Variants in CYRIB observed in about 807,000 individuals in gnomAD.
CYRIB encodes the protein CYFIP-related Rac1 interactor B.
CYRIB carries 8 observed loss-of-function variants against 44.2 expected under a neutral mutation model. The ratio of observed to expected loss-of-function variants is 0.18; its 90% CI spans 0.11 to 0.33. The LOEUF is 0.33. Among genes scored for constraint, CYRIB ranks in the 10% least tolerant of loss-of-function variants. CYRIB has a pLI of 1.00. For synonymous variants in CYRIB, 131 were observed against 127.2 expected, an observed-to-expected ratio of 1.03 and a Z score of -0.20; for missense variants, 185 against 382.8, an observed-to-expected ratio of 0.48 and a Z score of 4.31.
chr8:129,846,737 TTACA>T, intron 11 of CYRIB, 63 bp downstream of exon 13: 1 of 1,051,412 alleles, frequency 9.5e-7, no homozygotes, highest in Non-Finnish European at 1.4e-6. Flanking sequence ...TGCATTTTCT[TTACA>T]TAAACATCGA....
At chr8:130,016,441 C>T in exon 1 of CYRIB, 1 of 150,594 alleles carries the variant, frequency 6.6e-6, no homozygotes, top group Non-Finnish European at 1.5e-5. Context: ...GTGCCGCCGC[C>T]GCCGCCGTTT....
intron 2 of CYRIB, among the ~76,000 whole-genome samples, chr8:129,962,390 C>T (rs1374664596): frequency 6.6e-6 from 1 of 152,088 alleles, no homozygotes; most frequent in Non-Finnish European, 1.5e-5. Context: ...CTGCAGTAAG[C>T]TAGAATCATA....
At chr8:129,906,628 T>G (rs2075535616) in intron 1 of CYRIB, among the ~76,000 whole-genome samples, 2 of 152,180 alleles carry the variant, frequency 1.3e-5, no homozygotes, top group Non-Finnish European at 2.9e-5. Flanking sequence ...AAAGAGCTTC[T>G]GCACAGCAAA....
intron 4 of CYRIB, among the ~76,000 whole-genome samples, chr8:129,869,314 TG>T (rs1485794973): frequency 7.5e-6 from 1 of 132,676 alleles, no homozygotes; most frequent in African/African-American, 2.9e-5. Context: ...ACCTGGGAGG[TG>T]GAGGTTGCTG....
At chr8:129,993,685 A>C (rs1321983440) in intron 1 of CYRIB, among the ~76,000 whole-genome samples, 1 of 151,492 alleles carries the variant, frequency 6.6e-6, no homozygotes, top group Non-Finnish European at 1.5e-5. Flanking sequence ...CGACAGAGTG[A>C]AACTCTCTCT....
chr8:129,918,439 G>A (rs972925116), intron 1 of CYRIB, among the ~76,000 whole-genome samples: 1 of 152,176 alleles, frequency 6.6e-6, no homozygotes, highest in Non-Finnish European at 1.5e-5. Flanking sequence ...CCTGAAAGTA[G>A]TTAATGACTT....
chr8:129,943,991 AG>A (rs1160784365), upstream of CYRIB, among the ~76,000 whole-genome samples: 1 of 150,476 alleles, frequency 6.6e-6, no homozygotes, highest in Non-Finnish European at 1.5e-5. Context: ...GAGAAAACGC[AG>A]GGGGCCAAGG....
intron 1 of CYRIB, among the ~76,000 whole-genome samples, chr8:129,982,832 G>C (rs1370197837): frequency 4.6e-5 from 7 of 152,104 alleles, no homozygotes; most frequent in African/African-American, 1.7e-4. Context: ...TGGCTGCCCA[G>C]CTGGGCTCAC....
chr8:129,920,608 G>C (rs1163845944), intron 1 of CYRIB, among the ~76,000 whole-genome samples: 1 of 152,052 alleles, frequency 6.6e-6, no homozygotes, highest in African/African-American at 2.4e-5. Flanking sequence ...CATATCATCA[G>C]TAATTTTTAA....
intron 1 of CYRIB, among the ~76,000 whole-genome samples, chr8:129,973,870 C>T (rs904537688): frequency 6.6e-6 from 1 of 152,150 alleles, no homozygotes; most frequent in Non-Finnish European, 1.5e-5. Context: ...TCCTTTCTCC[C>T]ACCCAGTCCC....
chr8:130,004,841 A>C (rs898892124), intron 1 of CYRIB, among the ~76,000 whole-genome samples: 1 of 142,202 alleles, frequency 7.0e-6, no homozygotes, highest in Non-Finnish European at 1.5e-5. Context: ...ATCTCGGCTC[A>C]CTGCAAGCTC....
At chr8:129,846,957 A>G (rs569072559) in intron 10 of CYRIB, 83 bp from the exon 13 acceptor site, 18 of 762,160 alleles carry the variant, frequency 2.4e-5, no homozygotes, top group Non-Finnish European at 3.7e-5. Flanking sequence ...ATAAATCAAG[A>G]CCATAACTAT....
At chr8:129,849,422 A>G in intron 9 of CYRIB, 53 bp from the exon 12 acceptor site, 3 of 1,535,768 alleles carry the variant, frequency 2.0e-6, no homozygotes, top group Non-Finnish European at 2.6e-6. Context: ...AATTCTTTTT[A>G]AAAACACACA....
chr8:129,921,553 T>A (rs1266132409), intron 1 of CYRIB, among the ~76,000 whole-genome samples: 1 of 152,150 alleles, frequency 6.6e-6, no homozygotes, highest in Non-Finnish European at 1.5e-5. Flanking sequence ...TCTCCCAGGA[T>A]CACACCACCA....
intron 1 of CYRIB, among the ~76,000 whole-genome samples, chr8:130,005,532 A>G (rs185430670): frequency 2.4e-4 from 37 of 152,280 alleles, no homozygotes; most frequent in African/African-American, 8.9e-4. Flanking sequence ...TTGCCTCTGA[A>G]CAGTCTTCCA....
chr8:129,982,290 G>A (rs1222879288), intron 1 of CYRIB, among the ~76,000 whole-genome samples: 1 of 152,220 alleles, frequency 6.6e-6, no homozygotes, highest in Non-Finnish European at 1.5e-5. Flanking sequence ...CTGCCTCGAT[G>A]AAGATGATCT....
chr8:129,924,284 A>AC (rs1384560416), intron 1 of CYRIB, among the ~76,000 whole-genome samples: 4 of 33,392 alleles, frequency 1.2e-4, no homozygotes, highest in Admixed American at 4.0e-4. Context: ...AAAAAAAAAA[A>AC]AAAAACCGGG....
intron 3 of CYRIB, among the ~76,000 whole-genome samples, chr8:129,877,899 G>A (rs987719338): frequency 2.0e-5 from 3 of 152,032 alleles, no homozygotes; most frequent in Non-Finnish European, 2.9e-5. Flanking sequence ...AAGAGGAAAA[G>A]GGAGACAGAA....
intron 1 of CYRIB, among the ~76,000 whole-genome samples, chr8:129,922,938 A>G (rs1386367910): frequency 6.6e-6 from 1 of 150,790 alleles, no homozygotes; most frequent in Non-Finnish European, 1.5e-5. Flanking sequence ...TAGTAATGAA[A>G]AAATTCTCCG....
Sources: gnomAD v4.1 joint callset for allele counts (sites outside exome capture counted in the v4.1 genomes callset) on GRCh38, gnomAD v4.1.1 for gene constraint, MANE v1.5 for transcripts, NCBI Gene and HGNC (gene_info 2026-07-23, HGNC 2026-07-21) for gene names.